Variants in HERC1 observed in about 807,000 individuals in gnomAD.
The protein encoded by HERC1 is probable E3 ubiquitin-protein ligase HERC1.
HERC1 carries 160 observed loss-of-function variants against 554.3 expected under a neutral mutation model. That is an observed-to-expected ratio of 0.29 (90% CI 0.25 to 0.33). HERC1 has a LOEUF of 0.33. HERC1 is among the 10% of genes least tolerant of loss of function. The probability of loss-of-function intolerance (pLI) is 1.00; values close to 1 mark genes in which losing one functional copy is unlikely to be tolerated. For missense variants in HERC1, 4,919 were observed against 5,918.5 expected, an observed-to-expected ratio of 0.83 and a Z score of 5.54; for synonymous variants, 2,175 against 2,131.7, an observed-to-expected ratio of 1.02 and a Z score of -0.56.
rs1449161983 is a variant in HERC1 at position 63,674,980 on chromosome 15, T to A, written c.7208A>T (p.His2403Leu). Residue 2403 changes from histidine (H) to leucine (L), a missense_variant, in exon 38 of 78, where the codon CAT (histidine) becomes CTT (leucine). Physicochemically the swap from His to Leu is moderately conservative, Grantham distance 99 (BLOSUM62 -3). Coordinates refer to ENST00000443617, the MANE Select transcript of HERC1 (RefSeq NM_003922.4). The stretch of plus-strand genomic sequence containing the variant: ...GGTGCTCTGTTTGCCCATGTCTTCA[T>A]GAACGCCAGTGAGATATGTTAGGTC... ...LLDLTYLTGV[H>L]EDMGKQSTKR... 1.2e-6 allele frequency: 2 copies of A among 1,613,926 alleles called. No individual in the cohort carries two copies. Among genetic ancestry groups the A allele is most frequent in the African/African-American group, 2.7e-5 (2 of 74,940 alleles).
chr15:63,749,820 A>G lies in HERC1; in HGVS notation c.1903-29T>C. 6.6e-7 allele frequency: 1 copy of G among 1,512,420 alleles called. No individual in the cohort carries two copies. Among genetic ancestry groups the G allele is most frequent in the Non-Finnish European group, 8.9e-7 (1 of 1,128,742 alleles). 93.7% of individuals were successfully genotyped at this position (1,512,420 alleles called of 1,614,324 possible). A position where few individuals can be genotyped will look rare whatever the true frequency, so the allele number is the denominator to read the frequency against. On this transcript the variant is annotated intron_variant, in intron 8 of 77. Coordinates refer to ENST00000443617, the MANE Select transcript of HERC1 (RefSeq NM_003922.4). This position sits in a 1 kb window ranked among gnomAD's most constrained non-coding sequence, Gnocchi z 4.1. ...AAAAAAACAGAAATACGTTACACAT[A>G]ACTTCCTGAGATGATTAGATTGTTG...
At chr15:63,730,307 T>A (rs75291554) in intron 14 of HERC1, among the ~76,000 whole-genome samples, 9 of 151,914 alleles carry the variant, frequency 5.9e-5, no homozygotes, top group African/African-American at 2.2e-4. Flanking sequence ...TTTTTTTTTT[T>A]AATTAGCTGA....
At chr15:63,764,393 G>C (rs1330669268) in intron 2 of HERC1, among the ~76,000 whole-genome samples, 1 of 152,186 alleles carries the variant, frequency 6.6e-6, no homozygotes, top group African/African-American at 2.4e-5. Flanking sequence ...TGCATCACAT[G>C]ATAAATTAAG....
In HERC1 at chr15:63,774,937, A is replaced by G; in HGVS notation, c.687T>C (p.Leu229=). The stretch of plus-strand genomic sequence containing the variant: ...CAGAATTAGGAATAGTGACTCCTTT[A>G]AGAAATGTTGTTACTTGCGATAAGC... ...LDCLSQVTTF[L]KGVTIPNSGA... The change falls in exon 2 of 78, where the codon CTT becomes CTC. Residue 229 remains leucine, a synonymous_variant. Coordinates refer to ENST00000443617, the MANE Select transcript of HERC1 (RefSeq NM_003922.4). 6.2e-7 allele frequency: 1 copy of G among 1,614,002 alleles called. No individual in the cohort carries two copies. The highest frequency in any genetic ancestry group is 8.5e-7 in the Non-Finnish European group (1 of 1,179,876).
At chr15:63,791,261 A>C (rs980463412) in intron 1 of HERC1, among the ~76,000 whole-genome samples, 1 of 152,168 alleles carries the variant, frequency 6.6e-6, no homozygotes, top group African/African-American at 2.4e-5. Flanking sequence ...TTGCTGGTTG[A>C]GCATCTCTGA....
chr15:63,757,262 CTTTTTTTTTTT>C (rs56196711), intron 4 of HERC1, among the ~76,000 whole-genome samples: 1 of 107,880 alleles, frequency 9.3e-6, no homozygotes. Context: ...TTTTTATTTA[CTTTTTTTTTTT>C]TTTTTTTTTG....
At chr15:63,744,164 G>GTGTGTGTGTCTC in intron 12 of HERC1, among the ~76,000 whole-genome samples, 111 of 46,240 alleles carry the variant, frequency 2.4e-3, no homozygotes, top group Non-Finnish European at 3.5e-3. Context: ...GTGTGTGTGT[G>GTGTGTGTGTCTC]TCTCTCTCTC....
rs2074401947 is a variant in HERC1, at chr15:63,734,018, T to G, written c.2646+706A>C. Among the ~76,000 whole-genome samples the G allele has an allele frequency of 6.6e-6, 1 of 150,784 alleles. No individual in the cohort carries two copies. Among genetic ancestry groups the G allele is most frequent in the Non-Finnish European group, 1.5e-5 (1 of 67,912 alleles). ...CCGCTATAAAAATAAGAAAAAAAAA[T>G]TAGCCGGGTGTGGTGGCACGTGCCA... On this transcript the variant is annotated intron_variant, in intron 13 of 77. Transcript: ENST00000443617. The surrounding 1 kb of genome is among the most constrained non-coding windows in gnomAD (Gnocchi z 4.6).
chr15:63,715,784 G>C (rs1479289333), intron 22 of HERC1, among the ~76,000 whole-genome samples: 2 of 152,160 alleles, frequency 1.3e-5, no homozygotes, highest in Non-Finnish European at 2.9e-5. Flanking sequence ...GGAATATAAA[G>C]GTATGAAAAG....
intron 25 of HERC1, among the ~76,000 whole-genome samples, chr15:63,702,621 A>C (rs1032953260): frequency 6.6e-6 from 1 of 152,256 alleles, no homozygotes; most frequent in African/African-American, 2.4e-5. Context: ...CAAATTACTA[A>C]CATATTTTTA....
intron 24 of HERC1, among the ~76,000 whole-genome samples, chr15:63,709,301 C>T (rs576122977): frequency 9.6e-4 from 146 of 152,168 alleles, no homozygotes; most frequent in Middle Eastern, 3.4e-3. Context: ...TGAGCCACTG[C>T]GCCTGGCCCA....
chr15:63,810,153 G>A (rs1056352462), intron 1 of HERC1, among the ~76,000 whole-genome samples: 1 of 152,148 alleles, frequency 6.6e-6, no homozygotes, highest in African/African-American at 2.4e-5. Flanking sequence ...TGCAGACCAA[G>A]CACCCACATC....
chr15:63,733,201 C>T (rs867142775), intron 13 of HERC1, 56 bp from the exon 14 acceptor site: 3 of 1,159,610 alleles, frequency 2.6e-6, no homozygotes, highest in African/African-American at 3.0e-5. Flanking sequence ...TAGAAAAGAA[C>T]ACAAAAGGAT....
At chr15:63,822,443 G>A (rs568184123) in intron 1 of HERC1, among the ~76,000 whole-genome samples, 52 of 152,092 alleles carry the variant, frequency 3.4e-4, no homozygotes, top group African/African-American at 1.1e-3. Context: ...AAAATTAGCC[G>A]GGCGTGGTGG....
chr15:63,692,661 T>G lies in HERC1; in HGVS notation c.5675-95A>C. The G allele has an allele frequency of 9.4e-7, 1 of 1,065,760 alleles. No individual in the cohort carries two copies. Among genetic ancestry groups the G allele is most frequent in the Non-Finnish European group, 1.3e-6 (1 of 761,716 alleles). 66.0% of individuals were successfully genotyped at this position (1,065,760 alleles called of 1,614,324 possible). A position where few individuals can be genotyped will look rare whatever the true frequency, so the allele number is the denominator to read the frequency against. ...ACCTTGAAACTGCAGTAAGCACAAA[T>G]CTAATGCAAAATCTTAGGCTGTCAG... On this transcript the variant is annotated intron_variant, in intron 30 of 77. Transcript: ENST00000443617. This position sits in a 1 kb window ranked among gnomAD's most constrained non-coding sequence, Gnocchi z 4.7.
Position 63,733,030 on chromosome 15 carries a change from T to G in HERC1, c.2762A>C (p.Tyr921Ser). The change falls in exon 14 of 78, where the codon TAC (tyrosine) becomes TCC (serine). Residue 921 changes from tyrosine (Y) to serine (S), a missense_variant. Physicochemically the swap from Tyr to Ser is moderately radical, Grantham distance 144. This residue lies in a region of HERC1 where 744 missense variants were observed against 1,090.0 expected (regional missense o/e 0.68). Coordinates refer to ENST00000443617, the MANE Select transcript of HERC1 (RefSeq NM_003922.4). ...GTAAGGTTGATCTGACAGATTTCCG[T>G]AGCCAGTACACACAGAAGATAGGTC... is the stretch of plus-strand genomic sequence containing the variant. ...AADLSSVCTG[Y>S]GNLSDQPYGT... The G allele has an allele frequency of 6.2e-7, 1 of 1,613,920 alleles. No individual in the cohort carries two copies. The highest frequency in any genetic ancestry group is 8.5e-7 in the Non-Finnish European group (1 of 1,179,832).
intron 43 of HERC1, among the ~76,000 whole-genome samples, chr15:63,664,219 T>C (rs1227565022): frequency 6.6e-6 from 1 of 152,192 alleles, no homozygotes; most frequent in Non-Finnish European, 1.5e-5. Context: ...ATTTATATAA[T>C]TTCTCAAAAT....
intron 21 of HERC1, among the ~76,000 whole-genome samples, chr15:63,716,889 A>G (rs555713424): frequency 2.0e-5 from 3 of 152,304 alleles, no homozygotes; most frequent in Admixed American, 6.5e-5. Flanking sequence ...TAAATGTTTA[A>G]TAATTCTAAA....
intron 1 of HERC1, among the ~76,000 whole-genome samples, chr15:63,829,160 T>C (rs988765001): frequency 6.6e-6 from 1 of 151,962 alleles, no homozygotes; most frequent in African/African-American, 2.4e-5. Context: ...GGCTCACGCA[T>C]GGAATCCCAA....
Sources: gnomAD v4.1 joint callset for allele counts (sites outside exome capture counted in the v4.1 genomes callset) on GRCh38, gnomAD v4.1.1 for gene constraint, gnomAD v4.1.1 regional missense constraint, Gnocchi (gnomAD v3.1) non-coding constraint, MANE v1.5 for transcripts, NCBI Gene and HGNC (gene_info 2026-07-23, HGNC 2026-07-21) for gene names.